The following CHSY3 variants were observed in gnomAD, a reference collection of about 807,000 sequenced individuals.
The protein encoded by CHSY3 is N-acetylgalactosaminyl-proteoglycan 3-beta-glucuronosyltransferase 3.
Under a neutral mutation model 67.2 loss-of-function variants are expected in CHSY3, and 35 were observed. The observed-to-expected ratio is 0.52, with a 90% CI of 0.40 to 0.69. The LOEUF is 0.69. Ranked by LOEUF, CHSY3 falls within the 30% of genes least tolerant of loss-of-function variation. The pLI is 0.00. For missense variants in CHSY3, 1,069 were observed against 1,138.5 expected (o/e 0.94, Z 0.88); for synonymous variants, 474 against 434.7 (o/e 1.09, Z -1.12).
At chr5:130,103,930 A>G (rs1163878710) in intron 2 of CHSY3, among the ~76,000 whole-genome samples, 1 of 151,900 alleles carries the variant, frequency 6.6e-6, no homozygotes, top group African/African-American at 2.4e-5. Context: ...CTAGTATCTT[A>G]TATCTTAAAA....
At chr5:130,086,538 AC>A (rs1352470209) in intron 2 of CHSY3, among the ~76,000 whole-genome samples, 3 of 152,034 alleles carry the variant, frequency 2.0e-5, no homozygotes, top group African/African-American at 7.2e-5. Flanking sequence ...AATACAGCAC[AC>A]CACCAATCCC....
At chr5:129,936,636 T>C (rs1181082523) in intron 2 of CHSY3, among the ~76,000 whole-genome samples, 1 of 152,186 alleles carries the variant, frequency 6.6e-6, no homozygotes, top group East Asian at 1.9e-4. Context: ...GCACCATAGC[T>C]GTAAGGAAGG....
intron 2 of CHSY3, among the ~76,000 whole-genome samples, chr5:129,915,418 CTCTG>C (rs1303946422): frequency 1.3e-5 from 2 of 152,126 alleles, no homozygotes; most frequent in African/African-American, 4.8e-5. Flanking sequence ...TTTAAAGATA[CTCTG>C]TCTTAGAAAG....
At chr5:130,071,321 G>A (rs1766057908) in intron 2 of CHSY3, among the ~76,000 whole-genome samples, 1 of 152,112 alleles carries the variant, frequency 6.6e-6, no homozygotes, top group South Asian at 2.1e-4. Flanking sequence ...TTATATGTTT[G>A]CATGAAAATG....
chr5:129,909,882 T>C (rs1760473710), intron 2 of CHSY3, among the ~76,000 whole-genome samples: 1 of 151,838 alleles, frequency 6.6e-6, no homozygotes, highest in African/African-American at 2.4e-5. Context: ...ACAATATAGA[T>C]GGGAAATTAT....
At chr5:130,004,353 T>C (rs1288744416) in intron 2 of CHSY3, among the ~76,000 whole-genome samples, 1 of 152,218 alleles carries the variant, frequency 6.6e-6, no homozygotes, top group East Asian at 1.9e-4. Flanking sequence ...TTTCAACGTT[T>C]ACAATTTTTA....
intron 2 of CHSY3, among the ~76,000 whole-genome samples, chr5:130,023,827 G>C (rs887008379): frequency 6.6e-6 from 1 of 151,664 alleles, no homozygotes; most frequent in African/African-American, 2.4e-5. Flanking sequence ...TGAGTAAGAC[G>C]GTTTAGCCTC....
intron 2 of CHSY3, among the ~76,000 whole-genome samples, chr5:130,169,619 A>G (rs1769844187): frequency 6.6e-6 from 1 of 152,026 alleles, no homozygotes. Context: ...ATGTTTATGC[A>G]GAATTAGATA....
Position 130,185,132 on chromosome 5 carries a change from G to A in CHSY3, c.1990G>A (p.Gly664Ser). ...LVIILFSRDS[G>S]QDSSKHIELI... Reference sequence around the variant, plus strand: ...CATTATCCTTTTCAGTAGGGATTCTGGCCAAGACTCCAGCAAGCATATTGA... The same window carrying A: ...CATTATCCTTTTCAGTAGGGATTCTAGCCAAGACTCCAGCAAGCATATTGA... Residue 664 changes from glycine (G) to serine (S), a missense_variant, in exon 3 of 3, where the codon GGC (glycine) becomes AGC (serine). By Grantham distance (56) the Gly-to-Ser change is moderately conservative. Coordinates refer to ENST00000305031, the MANE Select transcript of CHSY3 (RefSeq NM_175856.5). The A allele has an allele frequency of 1.3e-6, 2 of 1,597,730 alleles. No individual in the cohort carries two copies. Among genetic ancestry groups the A allele is most frequent in the Non-Finnish European group, 1.7e-6 (2 of 1,165,170 alleles).
intron 2 of CHSY3, among the ~76,000 whole-genome samples, chr5:129,966,471 G>A (rs1042135291): frequency 1.3e-5 from 2 of 151,734 alleles, no homozygotes; most frequent in African/African-American, 2.4e-5. Flanking sequence ...TAAGATCCAT[G>A]TCATAAGGCT....
At chr5:130,120,486 G>GAAAAAAAAAAAAAA (rs34727574) in intron 2 of CHSY3, among the ~76,000 whole-genome samples, 1 of 95,840 alleles carries the variant, frequency 1.0e-5, no homozygotes, top group Non-Finnish European at 2.2e-5. Context: ...ATTTCTGAAA[G>GAAAAAAAAAAAAAA]AAAAAAAAAA....
intron 2 of CHSY3, among the ~76,000 whole-genome samples, chr5:129,919,177 G>T (rs1465058948): frequency 1.4e-5 from 2 of 147,230 alleles, no homozygotes; most frequent in Non-Finnish European, 3.0e-5. Flanking sequence ...GTAAAATCAT[G>T]ATTCTTGCAA....
At chr5:130,149,367 G>A (rs1323876131) in intron 2 of CHSY3, among the ~76,000 whole-genome samples, 1 of 152,182 alleles carries the variant, frequency 6.6e-6, no homozygotes, top group Non-Finnish European at 1.5e-5. Context: ...GGAGGCCTCT[G>A]TAAACTTATA....
intron 2 of CHSY3, among the ~76,000 whole-genome samples, chr5:129,965,967 T>A (rs1011740643): frequency 4.2e-4 from 64 of 152,036 alleles, no homozygotes; most frequent in African/African-American, 1.3e-3. Flanking sequence ...GATTCTGGGT[T>A]CTGTCCATCA....
At chr5:130,105,295 A>C (rs1767379024) in intron 2 of CHSY3, among the ~76,000 whole-genome samples, 1 of 151,712 alleles carries the variant, frequency 6.6e-6, no homozygotes, top group African/African-American at 2.4e-5. Flanking sequence ...TAATGTTTAA[A>C]CATATAATTT....
intron 2 of CHSY3, among the ~76,000 whole-genome samples, chr5:129,910,876 G>C (rs1307645885): frequency 1.3e-5 from 2 of 151,770 alleles, no homozygotes; most frequent in Non-Finnish European, 2.9e-5. Context: ...CTATGAAATT[G>C]ATCATTACTT....
intron 2 of CHSY3, among the ~76,000 whole-genome samples, chr5:129,969,138 T>C (rs912629466): frequency 6.6e-6 from 1 of 151,864 alleles, no homozygotes; most frequent in Non-Finnish European, 1.5e-5. Flanking sequence ...TGGAAGTAAA[T>C]TGATGCTGGT....
intron 2 of CHSY3, among the ~76,000 whole-genome samples, chr5:129,979,060 T>C (rs1762894767): frequency 6.7e-6 from 1 of 148,574 alleles, no homozygotes; most frequent in Admixed American, 6.7e-5. Context: ...ATTAGCCGGG[T>C]GTGGTGGTGG....
chr5:130,146,306 G>C (rs1298198717), intron 2 of CHSY3, among the ~76,000 whole-genome samples: 2 of 152,096 alleles, frequency 1.3e-5, no homozygotes, highest in African/African-American at 4.8e-5. Flanking sequence ...GCCAGGTGAT[G>C]GTTGAATCAG....
Sources: gnomAD v4.1 joint callset for allele counts (sites outside exome capture counted in the v4.1 genomes callset) on GRCh38, gnomAD v4.1.1 for gene constraint, MANE v1.5 for transcripts, NCBI Gene and HGNC (gene_info 2026-07-23, HGNC 2026-07-21) for gene names.